The following AHRR variants were observed in gnomAD, a reference collection of about 807,000 sequenced individuals.
AHRR encodes the protein aryl hydrocarbon receptor repressor, also known as ahR repressor.
In AHRR, 28 loss-of-function variants were observed where a neutral mutation model predicts 44.0. The observed-to-expected ratio is 0.64, with a 90% CI of 0.47 to 0.87. The LOEUF is 0.87. Among genes scored for constraint, AHRR ranks in the 40% least tolerant of loss-of-function variants. The pLI is 0.00. For synonymous variants in AHRR, 434 were observed against 407.0 expected (o/e 1.07, Z -0.80); for missense variants, 990 against 953.9 (o/e 1.04, Z -0.50).
chr5:430,401 G>A (rs540084908), intron 8 of AHRR, among the ~76,000 whole-genome samples: 136 of 152,348 alleles, frequency 8.9e-4, no homozygotes, highest in Non-Finnish European at 1.7e-3. Flanking sequence ...GGAGGACCCC[G>A]TCACACGCCT....
chr5:414,064 AC>A (rs1248002741), intron 5 of AHRR, among the ~76,000 whole-genome samples: 1 of 152,184 alleles, frequency 6.6e-6, no homozygotes, highest in African/African-American at 2.4e-5. Context: ...GGAGATTGAG[AC>A]CAGGCTGGCC....
rs368328743 is a variant in AHRR, at chr5:331,121, C to T, written c.-11+9302C>T. Among the ~76,000 whole-genome samples, 52 of 151,864 alleles carry T rather than the reference C, an allele frequency of 3.4e-4. No individual in the cohort carries two copies. In the East Asian group the frequency reaches 4.1e-3, roughly 12 times the overall value. On this transcript the variant is annotated intron_variant, in intron 1 of 10. Transcript: ENST00000684583. ...TGATCTCTTGACCACGTGATCCACC[C>T]GCCTCGGCCTCCCAAAGTGCTGGGA...
intron 5 of AHRR, among the ~76,000 whole-genome samples, chr5:415,090 T>C (rs952191397): frequency 6.6e-6 from 1 of 152,216 alleles, no homozygotes; most frequent in Non-Finnish European, 1.5e-5. Flanking sequence ...CCAGGGCTGG[T>C]AGGAAACCTC....
At position 435,400 on chromosome 5, in the gene AHRR, C is replaced by T. The variant is rs77026741; in HGVS notation, c.*566C>T. On this transcript the variant is annotated 3_prime_UTR_variant, in exon 11 of 11. Coordinates refer to ENST00000684583, the MANE Select transcript of AHRR (RefSeq NM_001377236.1). ...CACACGGCAAATTAGAAATACAACA[C>T]GCGGAGAAAGGGGTCCGTGAGCCCA... 1.4e-3 allele frequency: 212 copies of T among 153,836 alleles called. No homozygotes were observed. The highest frequency in any genetic ancestry group is 3.4e-3 in the Middle Eastern group (1 of 294). 9.5% of individuals were successfully genotyped at this position (153,836 alleles called of 1,614,324 possible).
chr5:417,335 T>G (rs1361448377), intron 5 of AHRR, among the ~76,000 whole-genome samples: 1 of 151,274 alleles, frequency 6.6e-6, no homozygotes, highest in Non-Finnish European at 1.5e-5. Flanking sequence ...TTGGTCTGTA[T>G]GTGCAGGGCC....
At chr5:414,455 T>G (rs1247088536) in intron 5 of AHRR, among the ~76,000 whole-genome samples, 1 of 152,036 alleles carries the variant, frequency 6.6e-6, no homozygotes, top group Non-Finnish European at 1.5e-5. Flanking sequence ...ACTGATAGAT[T>G]TCTGGAGAAC....
chr5:389,375 C>T (rs529815650), intron 4 of AHRR, among the ~76,000 whole-genome samples: 24 of 151,986 alleles, frequency 1.6e-4, no homozygotes, highest in African/African-American at 5.3e-4. Flanking sequence ...CAGTGGCCAC[C>T]GGTGCCCGAG....
At chr5:366,661 G>C (rs970860883) in intron 3 of AHRR, among the ~76,000 whole-genome samples, 2 of 152,138 alleles carry the variant, frequency 1.3e-5, no homozygotes, top group Non-Finnish European at 2.9e-5. Context: ...AAGCCGAAAA[G>C]CCCAGCATTC....
intron 1 of AHRR, among the ~76,000 whole-genome samples, chr5:343,118 CTGT>C (rs1742400245): frequency 6.6e-6 from 1 of 152,172 alleles, no homozygotes. Flanking sequence ...GGAGATTATG[CTGT>C]TGCCCTGCAT....
chr5:424,082 A>C, intron 7 of AHRR, 105 bp downstream of exon 7: 8 of 1,428,138 alleles, frequency 5.6e-6, no homozygotes, highest in South Asian at 1.3e-5. Flanking sequence ...GTTAAACCAC[A>C]TGTCCCTGGT....
chr5:323,764 G>GTGTTA (rs1375703429), intron 1 of AHRR, among the ~76,000 whole-genome samples: 4 of 152,208 alleles, frequency 2.6e-5, no homozygotes, highest in Admixed American at 2.6e-4. Context: ...GCCCTGACCA[G>GTGTTA]TGTTAAGTGG....
At chr5:369,557 T>C (rs1385498902) in intron 3 of AHRR, among the ~76,000 whole-genome samples, 5 of 152,246 alleles carry the variant, frequency 3.3e-5, no homozygotes, top group Admixed American at 3.3e-4. Flanking sequence ...TGTCACTTGC[T>C]TCGCTCTGAG....
intron 3 of AHRR, among the ~76,000 whole-genome samples, chr5:373,201 G>C (rs1479337613): frequency 6.6e-6 from 1 of 152,254 alleles, no homozygotes; most frequent in South Asian, 2.1e-4. Context: ...AGGCCCAGCC[G>C]TGGGGACTGT....
Position 434,969 on chromosome 5 carries a change from C to T in AHRR, c.*135C>T. On this transcript the variant is annotated 3_prime_UTR_variant, in exon 11 of 11. Transcript: ENST00000684583. ...TGCAGAGCTGTGCATGCGCAGTCTG[C>T]TAGTGTGTGTGTGCAGCATACGCAG... The T allele has an allele frequency of 7.9e-7, 1 of 1,262,060 alleles. No homozygotes were observed. The highest frequency in any genetic ancestry group is 2.6e-5 in the East Asian group (1 of 39,132). 78.2% of individuals were successfully genotyped at this position (1,262,060 alleles called of 1,614,324 possible).
chr5:333,426 T>A (rs1030466460), intron 1 of AHRR, among the ~76,000 whole-genome samples: 3 of 152,116 alleles, frequency 2.0e-5, no homozygotes, highest in African/African-American at 7.2e-5. Flanking sequence ...TGAAACCCCA[T>A]CTCTACTAAA....
intron 4 of AHRR, chr5:403,612 T>A (rs575783364): frequency 6.4e-6 from 3 of 466,862 alleles, no homozygotes; most frequent in Non-Finnish European, 1.1e-5. Context: ...TACTCCAGCC[T>A]AGGTGACAGA....
intron 2 of AHRR, among the ~76,000 whole-genome samples, chr5:344,359 G>A (rs1317784694): frequency 6.7e-6 from 1 of 149,698 alleles, no homozygotes; most frequent in Non-Finnish European, 1.5e-5. Context: ...GTGTGTGCGT[G>A]TGTGGCGAGG....
In AHRR at chr5:433,909, G is replaced by A. The variant is rs181793225; in HGVS notation, c.1169G>A (p.Arg390Gln). Reference protein sequence around the residue: ...MLSRASGVTGRRETPGPTKPL... With the variant: ...MLSRASGVTGQRETPGPTKPL... Reference sequence around the variant, plus strand: ...AGCAGGGCCTCTGGAGTGACAGGGCGGAGGGAGACTCCAGGACCCACAAAG... The same window carrying A: ...AGCAGGGCCTCTGGAGTGACAGGGCAGAGGGAGACTCCAGGACCCACAAAG... The change falls in exon 11 of 11, where the codon CGG becomes CAG. Residue 390 changes from arginine (R) to glutamine (Q), a missense_variant. Physicochemically the swap from Arg to Gln is conservative, Grantham distance 43. Transcript: ENST00000684583. 156 of 1,525,804 alleles carry A rather than the reference G, an allele frequency of 1.0e-4. 1 individual carries two copies. The African/African-American group carries it at 1.3e-3, about 13-fold the overall frequency. 94.5% of individuals were successfully genotyped at this position (1,525,804 alleles called of 1,614,324 possible).
chr5:426,056 T>A (rs1242016650), intron 7 of AHRR, among the ~76,000 whole-genome samples: 1 of 152,254 alleles, frequency 6.6e-6, no homozygotes, highest in Non-Finnish European at 1.5e-5. Context: ...CTAAAAAAAT[T>A]GGCAAACACT....
Sources: gnomAD v4.1 joint callset for allele counts (sites outside exome capture counted in the v4.1 genomes callset) on GRCh38, gnomAD v4.1.1 for gene constraint, MANE v1.5 for transcripts, NCBI Gene and HGNC (gene_info 2026-07-23, HGNC 2026-07-21) for gene names.